The following COL17A1 variants were observed in gnomAD, a reference collection of about 807,000 sequenced individuals.
COL17A1 encodes the protein collagen type XVII alpha 1 chain.
A neutral mutation model predicts 218.4 loss-of-function variants in COL17A1; 181 were observed. The observed-to-expected ratio is 0.83, with a 90% CI of 0.73 to 0.94. The LOEUF is 0.94. COL17A1 is among the 40% of genes least tolerant of loss of function. The pLI, the probability that COL17A1 is intolerant of heterozygous loss-of-function variation, is 0.00. For synonymous variants in COL17A1, 721 were observed against 731.0 expected (o/e 0.99, Z 0.22); for missense variants, 1,924 against 1,945.9 (o/e 0.99, Z 0.21).
At chr10:104,060,378 G>C in intron 13 of COL17A1, 98 bp from the exon 14 acceptor site, 1 of 1,537,644 alleles carries the variant, frequency 6.5e-7, no homozygotes, top group Non-Finnish European at 8.8e-7. Flanking sequence ...AGAGAAGGAG[G>C]AGGGAGGTAA....
intron 35 of COL17A1, among the ~76,000 whole-genome samples, chr10:104,043,222 T>C (rs2134589908): frequency 6.6e-6 from 1 of 152,350 alleles, no homozygotes; most frequent in African/African-American, 2.4e-5. Context: ...TGCTGCTTAT[T>C]GGCCGTGGGA....
intron 8 of COL17A1, among the ~76,000 whole-genome samples, chr10:104,070,898 TA>T (rs2134646306): frequency 6.6e-6 from 1 of 152,270 alleles, no homozygotes; most frequent in African/African-American, 2.4e-5. Flanking sequence ...ATCAGGCAGT[TA>T]GAGAACCAGG....
chr10:104,043,754 G>T, intron 34 of COL17A1, 71 bp downstream of exon 34: 1 of 1,582,134 alleles, frequency 6.3e-7, no homozygotes, highest in East Asian at 2.2e-5. Context: ...TGCCCAGAAC[G>T]CTGCAGAGTC....
intron 32 of COL17A1, 33 bp from the exon 33 acceptor site, chr10:104,045,826 G>A (rs370424807): frequency 8.8e-6 from 14 of 1,592,626 alleles, no homozygotes; most frequent in Non-Finnish European, 1.1e-5. Flanking sequence ...TCAGGACGAT[G>A]AAGGCCCAGC....
chr10:104,035,154 C>T, intron 50 of COL17A1, 109 bp downstream of exon 50: 1 of 949,450 alleles, frequency 1.1e-6, no homozygotes. Flanking sequence ...CTGCACCCAG[C>T]ACTGTACAGG....
rs1724779461 is a variant in COL17A1 at position 104,077,412 on chromosome 10, G to A, written c.202+10C>T. On this transcript the variant is annotated intron_variant, in intron 4 of 55. Coordinates refer to ENST00000648076, the MANE Select transcript of COL17A1 (RefSeq NM_000494.4). ...TTCTTCCCTGACCTCTTGCACTAGT[G>A]GGCACTCACTTGAGTTTATGTAGCC... The A allele has an allele frequency of 1.2e-6, 2 of 1,604,704 alleles. No homozygotes were observed.
intron 43 of COL17A1, 53 bp from the exon 44 acceptor site, chr10:104,039,174 G>T: frequency 6.3e-7 from 1 of 1,582,776 alleles, no homozygotes; most frequent in East Asian, 2.2e-5. Context: ...GCCTTCCCTG[G>T]TTAAGCCAAA....
chr10:104,072,068 G>C lies in COL17A1; in HGVS notation c.427C>G (p.Arg143Gly). ...GGGGACGCACTCTGCAGTCGAACTC[G>C]AATTTCACTCTCTGTACAAGGGAAG... Reference protein sequence around the residue: ...GRSQTRESEIRVRLQSASPST... With the variant: ...GRSQTRESEIGVRLQSASPST... Residue 143 changes from arginine to glycine, a missense_variant, in exon 8 of 56, where the codon CGA (arginine) becomes GGA (glycine). Physicochemically the swap from Arg to Gly is moderately radical, Grantham distance 125 (BLOSUM62 -2). Coordinates refer to ENST00000648076, the MANE Select transcript of COL17A1 (RefSeq NM_000494.4). 6.2e-7 allele frequency: 1 copy of C among 1,614,052 alleles called. No homozygotes were observed.
At chr10:104,082,362 C>T (rs1033245766) in intron 1 of COL17A1, among the ~76,000 whole-genome samples, 4 of 152,162 alleles carry the variant, frequency 2.6e-5, no homozygotes, top group Non-Finnish European at 5.9e-5. Context: ...CAACTGGACA[C>T]CTTTGCAATC....
intron 44 of COL17A1, 34 bp from the exon 45 acceptor site, chr10:104,038,562 C>T (rs1260686947): frequency 6.2e-7 from 1 of 1,605,378 alleles, no homozygotes; most frequent in Non-Finnish European, 8.5e-7. Flanking sequence ...GTGTCGGTTT[C>T]TCCACCCTAG....
At chr10:104,038,880 G>A (rs1446227655) in intron 44 of COL17A1, among the ~76,000 whole-genome samples, 191 bp downstream of exon 44, 1 of 152,040 alleles carries the variant, frequency 6.6e-6, no homozygotes, top group Non-Finnish European at 1.5e-5. Context: ...TATGTACCTG[G>A]GTCCTTCCCC....
At chr10:104,037,919 C>T in intron 45 of COL17A1, 146 bp from the exon 46 acceptor site, 4 of 926,092 alleles carry the variant, frequency 4.3e-6, no homozygotes, top group Non-Finnish European at 6.3e-6. Context: ...TAGACTTCCC[C>T]TCACTGTCCT....
At chr10:104,059,393 A>G (rs2086560899) in intron 15 of COL17A1, 1 of 572,026 alleles carries the variant, frequency 1.7e-6, no homozygotes. Flanking sequence ...CTTCGTAGAC[A>G]TGGCAGAGGC....
chr10:104,036,107 T>TGTGAGTATGG (rs1564671306), intron 48 of COL17A1, among the ~76,000 whole-genome samples: 22 of 6,014 alleles, frequency 3.7e-3, no homozygotes, highest in South Asian at 7.8e-3. Context: ...TGTATGGGAG[T>TGTGAGTATGG]GTGTGTGTAT....
Position 104,045,062 on chromosome 10 carries a change from G to C in COL17A1, c.2398+696C>G, listed in dbSNP as rs151289147. Among the ~76,000 whole-genome samples the C allele has an allele frequency of 4.1e-3, 630 of 152,190 alleles. 12 individuals carry two copies. Among genetic ancestry groups the C allele is most frequent in the African/African-American group, 0.014 (587 of 41,520 alleles). On this transcript the variant is annotated intron_variant, in intron 33 of 55. Coordinates refer to ENST00000648076, the MANE Select transcript of COL17A1 (RefSeq NM_000494.4). ...CCATAGAATGTCAAAGTTCAGGAGC[G>C]TGTTGGAATCAAAGGAACAGAAGGA...
intron 34 of COL17A1, 67 bp from the exon 35 acceptor site, chr10:104,043,648 C>G (rs1407283801): frequency 6.3e-7 from 1 of 1,581,228 alleles, no homozygotes; most frequent in Non-Finnish European, 8.7e-7. Flanking sequence ...GGGACCCAAG[C>G]CAGGTTGTGG....
intron 10 of COL17A1, among the ~76,000 whole-genome samples, chr10:104,064,154 T>A (rs2086606025): frequency 6.6e-6 from 1 of 152,210 alleles, no homozygotes; most frequent in Non-Finnish European, 1.5e-5. Context: ...GGCTCCACCG[T>A]CAATTCATAT....
chr10:104,052,069 G>C, intron 24 of COL17A1, 86 bp downstream of exon 24: 1 of 1,582,728 alleles, frequency 6.3e-7, no homozygotes, highest in Non-Finnish European at 8.7e-7. Context: ...GGCTGTCTGG[G>C]GTCCCAGGGC....
intron 9 of COL17A1, among the ~76,000 whole-genome samples, chr10:104,069,577 C>G (rs140686349): frequency 5.3e-5 from 8 of 152,322 alleles, no homozygotes; most frequent in African/African-American, 1.9e-4. Flanking sequence ...AGACTTTGGA[C>G]TGTCCCCTTA....
Sources: gnomAD v4.1 joint callset for allele counts (sites outside exome capture counted in the v4.1 genomes callset) on GRCh38, gnomAD v4.1.1 for gene constraint, MANE v1.5 for transcripts, NCBI Gene and HGNC (gene_info 2026-07-23, HGNC 2026-07-21) for gene names.